SPTBN1: variants seen among roughly 807,000 people sequenced by gnomAD.
SPTBN1 encodes spectrin beta, non-erythrocytic 1, also known as spectrin beta chain, non-erythrocytic 1.
SPTBN1 carries 32 observed loss-of-function variants against 266.4 expected under a neutral mutation model. The observed-to-expected ratio is 0.12, with a 90% CI of 0.09 to 0.16. The LOEUF is 0.16. SPTBN1 is among the 10% of genes least tolerant of loss of function. SPTBN1 has a pLI of 1.00. For missense variants in SPTBN1, 2,296 were observed against 3,067.1 expected, an observed-to-expected ratio of 0.75 and a Z score of 5.94; for synonymous variants, 1,336 against 1,162.2, an observed-to-expected ratio of 1.15 and a Z score of -3.04.
intron 2 of SPTBN1, among the ~76,000 whole-genome samples, chr2:54,591,025 G>T (rs1675645948): frequency 6.6e-6 from 1 of 152,168 alleles, no homozygotes; most frequent in Non-Finnish European, 1.5e-5. Flanking sequence ...GGTGAGCTTT[G>T]TTCAAAACAC....
intron 2 of SPTBN1, among the ~76,000 whole-genome samples, chr2:54,587,397 G>C (rs113087229): frequency 6.6e-6 from 1 of 152,154 alleles, no homozygotes; most frequent in Admixed American, 6.5e-5. Flanking sequence ...CGGTTGGTGC[G>C]CTTTAAAACA....
intron 1 of SPTBN1, among the ~76,000 whole-genome samples, chr2:54,495,533 G>A (rs1488909561): frequency 3.3e-5 from 5 of 152,070 alleles, no homozygotes; most frequent in African/African-American, 1.2e-4. Flanking sequence ...TAGAAATTAA[G>A]GAAAATACAC....
At chr2:54,666,109 T>C in intron 34 of SPTBN1, 21 bp downstream of exon 34, 1 of 1,596,616 alleles carries the variant, frequency 6.3e-7, no homozygotes, top group Non-Finnish European at 8.5e-7. Flanking sequence ...CCGTGCTTCA[T>C]GGCTGCCAGA....
At chr2:54,529,624 CA>C in intron 2 of SPTBN1, 1 of 722,034 alleles carries the variant, frequency 1.4e-6, no homozygotes, top group Non-Finnish European at 2.6e-6. Context: ...TAAAAGACAA[CA>C]ACACCCTTGT....
chr2:54,465,537 A>G (rs1337850321), intron 1 of SPTBN1, among the ~76,000 whole-genome samples: 6 of 151,844 alleles, frequency 4.0e-5, no homozygotes, highest in Non-Finnish European at 8.8e-5. Flanking sequence ...ATTGAGAGGA[A>G]CTAATTTTAA....
At chr2:54,638,066 C>G (rs1406728499) in intron 18 of SPTBN1, among the ~76,000 whole-genome samples, 2 of 152,194 alleles carry the variant, frequency 1.3e-5, no homozygotes, top group Non-Finnish European at 2.9e-5. Flanking sequence ...GCCACAATGT[C>G]TTTATGGTTG....
chr2:54,487,196 T>A (rs1456957198), intron 1 of SPTBN1, among the ~76,000 whole-genome samples: 1 of 136,618 alleles, frequency 7.3e-6, no homozygotes, highest in Non-Finnish European at 1.6e-5. Context: ...TTTTTGCTGC[T>A]TTTTAACTTT....
At chr2:54,528,928 T>C (rs1279314027) in intron 2 of SPTBN1, among the ~76,000 whole-genome samples, 1 of 152,242 alleles carries the variant, frequency 6.6e-6, no homozygotes, top group Non-Finnish European at 1.5e-5. Flanking sequence ...AACCCATCTG[T>C]TGGAGGAAGG....
At chr2:54,494,295 T>A (rs1054550269) in intron 1 of SPTBN1, among the ~76,000 whole-genome samples, 6 of 152,258 alleles carry the variant, frequency 3.9e-5, no homozygotes, top group African/African-American at 1.4e-4. Flanking sequence ...TGAGTCCTTG[T>A]CTGCTCATTG....
At chr2:54,510,708 T>G (rs1172017011) in intron 1 of SPTBN1, among the ~76,000 whole-genome samples, 3 of 152,242 alleles carry the variant, frequency 2.0e-5, no homozygotes, top group Non-Finnish European at 4.4e-5. Context: ...GGACTTGATT[T>G]TGGTCAAGTA....
At chr2:54,489,280 C>T (rs1036302214) in intron 1 of SPTBN1, among the ~76,000 whole-genome samples, 4 of 150,418 alleles carry the variant, frequency 2.7e-5, no homozygotes, top group African/African-American at 4.9e-5. Flanking sequence ...ATGATCATGC[C>T]ACTGTGCTCC....
intron 2 of SPTBN1, among the ~76,000 whole-genome samples, chr2:54,546,000 C>G (rs979525599): frequency 6.6e-6 from 1 of 152,164 alleles, no homozygotes; most frequent in Non-Finnish European, 1.5e-5. Context: ...AAGACCTAGT[C>G]TCTTGTTAAT....
At chr2:54,602,516 G>A (rs1265233713) in intron 3 of SPTBN1, among the ~76,000 whole-genome samples, 3 of 152,136 alleles carry the variant, frequency 2.0e-5, no homozygotes, top group Admixed American at 2.0e-4. Context: ...TTCTCACTAT[G>A]GTGGCCAGTT....
rs1162851760 is a variant in SPTBN1, at chr2:54,533,363, T to G, written c.148+6797T>G. Among the ~76,000 whole-genome samples the G allele has an allele frequency of 2.8e-5, 4 of 142,764 alleles. No homozygotes were observed. The highest frequency in any genetic ancestry group is 1.4e-4 in the Admixed American group (2 of 14,452). 93.7% of individuals were successfully genotyped at this position (142,764 alleles called of 152,430 possible). On this transcript the variant is annotated intron_variant, in intron 2 of 35. Coordinates refer to ENST00000356805, the MANE Select transcript of SPTBN1 (RefSeq NM_003128.3). This position sits in a 1 kb window ranked among gnomAD's most constrained non-coding sequence, Gnocchi z 4.2. ...TAAAGGGGACTAGTGTGTGTGTGTG[T>G]GTGTGTGTGTGTGTGTGTGTGTGTG... is the stretch of plus-strand genomic sequence containing the variant.
In SPTBN1 at chr2:54,646,535, C is replaced by T. The variant is rs898255990; in HGVS notation, c.4866+60C>T. ...GAGCCTCAGATTCAAACCCTGGGCA[C>T]ACTTTCTGCTGGCGGCTCTGTCTGT... On this transcript the variant is annotated intron_variant, in intron 23 of 35. Transcript: ENST00000356805. The surrounding 1 kb of genome is among the most constrained non-coding windows in gnomAD (Gnocchi z 4.4). 6.3e-6 allele frequency: 9 copies of T among 1,430,668 alleles called. No individual in the cohort carries two copies. Among genetic ancestry groups the T allele is most frequent in the African/African-American group, 1.4e-5 (1 of 69,728 alleles). The allele number at this position is 1,430,668 out of a possible 1,614,324, so 88.6% of individuals were successfully genotyped here. A position where few individuals can be genotyped will look rare whatever the true frequency, so the allele number is the denominator to read the frequency against.
At chr2:54,547,486 T>C (rs1206084637) in intron 2 of SPTBN1, among the ~76,000 whole-genome samples, 1 of 152,196 alleles carries the variant, frequency 6.6e-6, no homozygotes, top group Non-Finnish European at 1.5e-5. Context: ...AGAAGGGGAA[T>C]GGCTGGACCA....
chr2:54,548,690 T>A (rs562435222), intron 2 of SPTBN1, among the ~76,000 whole-genome samples: 1 of 152,104 alleles, frequency 6.6e-6, no homozygotes, highest in African/African-American at 2.4e-5. Context: ...GCTTTGTAAC[T>A]CTGGGCACAC....
intron 2 of SPTBN1, among the ~76,000 whole-genome samples, chr2:54,557,438 A>G (rs887078397): frequency 6.6e-6 from 1 of 152,084 alleles, no homozygotes; most frequent in African/African-American, 2.4e-5. Context: ...TCTAGAGTCA[A>G]TTTCCCAAGA....
intron 2 of SPTBN1, among the ~76,000 whole-genome samples, chr2:54,591,011 T>C (rs538135233): frequency 2.0e-5 from 3 of 152,316 alleles, no homozygotes; most frequent in South Asian, 4.1e-4. Context: ...ACCACCCAAA[T>C]TGTGGTGAGC....
Sources: allele counts gnomAD v4.1 joint callset (sites outside exome capture counted in the v4.1 genomes callset), GRCh38; gene constraint gnomAD v4.1.1; non-coding constraint Gnocchi (gnomAD v3.1); transcripts MANE v1.5; gene names NCBI Gene and HGNC (gene_info 2026-07-23, HGNC 2026-07-21).